The following EYS variants were observed in gnomAD, a reference collection of about 807,000 sequenced individuals.
EYS encodes the protein EGF-like photoreceptor maintenance factor.
In EYS, 250 loss-of-function variants were observed where a neutral mutation model predicts 282.1. The observed-to-expected ratio is 0.89, with a 90% CI of 0.80 to 0.98. EYS has a LOEUF of 0.98. Among genes scored for constraint, EYS ranks in the 50% least tolerant of loss-of-function variants. The pLI is 0.00. For missense variants in EYS, 4,016 were observed against 3,709.0 expected (o/e 1.08, Z -2.15); for synonymous variants, 1,355 against 1,282.9 (o/e 1.06, Z -1.20).
chr6:64,227,913 A>G (rs895828982), intron 31 of EYS, among the ~76,000 whole-genome samples: 14 of 152,072 alleles, frequency 9.2e-5, no homozygotes, highest in African/African-American at 3.4e-4. Flanking sequence ...AGATTTAGGG[A>G]CTGTTTATCC....
chr6:63,810,789 T>C (rs1771027775), intron 36 of EYS, among the ~76,000 whole-genome samples: 1 of 152,158 alleles, frequency 6.6e-6, no homozygotes, highest in African/African-American at 2.4e-5. Context: ...TTTCCCAGCC[T>C]CTAAAATGGC....
At chr6:65,552,572 C>T (rs1214269686) in intron 2 of EYS, among the ~76,000 whole-genome samples, 3 of 152,028 alleles carry the variant, frequency 2.0e-5, no homozygotes, top group East Asian at 1.9e-4. Flanking sequence ...TCTCATATAT[C>T]GAGAATGACA....
intron 2 of EYS, among the ~76,000 whole-genome samples, chr6:65,537,292 C>T (rs555908332): frequency 6.6e-6 from 1 of 152,024 alleles, no homozygotes; most frequent in Non-Finnish European, 1.5e-5. Flanking sequence ...CACATGTATA[C>T]CTATGTAACA....
chr6:64,557,382 T>C (rs1765267055), intron 26 of EYS, among the ~76,000 whole-genome samples: 1 of 151,992 alleles, frequency 6.6e-6, no homozygotes, highest in Admixed American at 6.6e-5. Flanking sequence ...ATTTGGTTCT[T>C]TTCAATGTTA....
chr6:64,456,323 C>A (rs1775559696), intron 26 of EYS, among the ~76,000 whole-genome samples: 1 of 151,982 alleles, frequency 6.6e-6, no homozygotes, highest in Non-Finnish European at 1.5e-5. Flanking sequence ...AATTTGGTAC[C>A]TTAATTTGTG....
intron 8 of EYS, among the ~76,000 whole-genome samples, chr6:65,382,843 G>A (rs779062168): frequency 6.6e-6 from 1 of 151,820 alleles, no homozygotes. Flanking sequence ...CTAGATTAAG[G>A]GTGGGTCTCC....
chr6:64,704,305 A>G (rs1287009945), intron 22 of EYS, among the ~76,000 whole-genome samples: 2 of 105,208 alleles, frequency 1.9e-5, no homozygotes, highest in Admixed American at 2.0e-4. Context: ...CTATATATTT[A>G]TATGTATGTA....
chr6:65,676,100 T>G (rs1170052721), intron 1 of EYS, among the ~76,000 whole-genome samples: 1 of 151,740 alleles, frequency 6.6e-6, no homozygotes, highest in Non-Finnish European at 1.5e-5. Flanking sequence ...GGAAAGAACT[T>G]CATCGTGATA....
chr6:64,521,599 A>G (rs1474726096), intron 26 of EYS, among the ~76,000 whole-genome samples: 1 of 151,740 alleles, frequency 6.6e-6, no homozygotes, highest in East Asian at 1.9e-4. Flanking sequence ...TGCCTCATTG[A>G]CAGACTCTAA....
intron 12 of EYS, among the ~76,000 whole-genome samples, chr6:65,262,883 C>A (rs187379056): frequency 2.0e-4 from 31 of 152,178 alleles, no homozygotes; most frequent in Non-Finnish European, 4.3e-4. Flanking sequence ...TCATATAGAT[C>A]ATCTTGCTTA....
chr6:64,160,451 G>A (rs1166699576), intron 31 of EYS, among the ~76,000 whole-genome samples: 1 of 152,046 alleles, frequency 6.6e-6, no homozygotes, highest in African/African-American at 2.4e-5. Context: ...AAGCATTCCT[G>A]GGAACATGGA....
At chr6:64,882,508 G>A (rs1007960263) in intron 19 of EYS, among the ~76,000 whole-genome samples, 1 of 151,574 alleles carries the variant, frequency 6.6e-6, no homozygotes, top group Non-Finnish European at 1.5e-5. Context: ...AATGGTAAAT[G>A]CTATGTTAAT....
chr6:64,564,239 C>T (rs920558806), intron 26 of EYS, among the ~76,000 whole-genome samples: 5 of 143,712 alleles, frequency 3.5e-5, no homozygotes, highest in African/African-American at 5.1e-5. Context: ...TCCTTTTCTC[C>T]ATATCCTCAT....
intron 35 of EYS, among the ~76,000 whole-genome samples, chr6:63,948,715 C>T (rs1765474258): frequency 6.6e-6 from 1 of 152,018 alleles, no homozygotes; most frequent in African/African-American, 2.4e-5. Context: ...ATTCTATTAA[C>T]TTGGTTCCAA....
chr6:64,296,579 TATATACATATATATATATA>T (rs1157414046), intron 30 of EYS, among the ~76,000 whole-genome samples: 77 of 6,702 alleles, frequency 0.011, 2 homozygotes, highest in African/African-American at 0.053. Context: ...TATATATATA[TATATACATATATATATATA>T]TTTTTTTTTT....
chr6:64,426,660 C>T (rs988338674), intron 28 of EYS, among the ~76,000 whole-genome samples: 8 of 151,724 alleles, frequency 5.3e-5, no homozygotes, highest in African/African-American at 1.5e-4. Context: ...TGGAGTCTAG[C>T]GGTTGGCAGA....
chr6:64,975,637 A>G (rs1015501801), intron 14 of EYS, among the ~76,000 whole-genome samples: 1 of 151,856 alleles, frequency 6.6e-6, no homozygotes, highest in South Asian at 2.1e-4. Context: ...TAGATATCCC[A>G]TATAAACTAA....
At chr6:64,139,868 C>T (rs1273063818) in intron 31 of EYS, among the ~76,000 whole-genome samples, 1 of 151,788 alleles carries the variant, frequency 6.6e-6, no homozygotes, top group South Asian at 2.1e-4. Context: ...ACTTGGGAGG[C>T]TGAGGCAGAG....
chr6:65,299,210 G>T (rs9354219), intron 11 of EYS, among the ~76,000 whole-genome samples: 87,573 of 150,658 alleles, frequency 0.58, 27,068 homozygotes, highest in East Asian at 0.94. Flanking sequence ...GCTATGATTT[G>T]TATGTGTTTA....
Sources: gnomAD v4.1 joint callset for allele counts (sites outside exome capture counted in the v4.1 genomes callset) on GRCh38, gnomAD v4.1.1 for gene constraint, MANE v1.5 for transcripts, NCBI Gene and HGNC (gene_info 2026-07-23, HGNC 2026-07-21) for gene names.